Variants in XKR9 observed in about 807,000 individuals in gnomAD.
The protein encoded by XKR9 is XK related 9, also known as XK-related protein 9.
Under a neutral mutation model 32.0 loss-of-function variants are expected in XKR9, and 32 were observed. The observed-to-expected ratio is 1.00, with a 90% CI of 0.76 to 1.34. The LOEUF is 1.34. XKR9 is among the 40% of genes most tolerant of loss of function. The pLI is 0.00. For synonymous variants in XKR9, 168 were observed against 143.4 expected (o/e 1.17, Z -1.22); for missense variants, 546 against 429.7 (o/e 1.27, Z -2.39).
At chr8:70,989,200 C>A in the XKR9 span, among the ~76,000 whole-genome samples, 2 of 152,150 alleles carry the variant, frequency 1.3e-5, no homozygotes, top group South Asian at 4.1e-4. Context: ...AACCAGCATT[C>A]TGTTAATAGC....
At chr8:71,021,109 G>C in the XKR9 span, among the ~76,000 whole-genome samples, 1 of 152,132 alleles carries the variant, frequency 6.6e-6, no homozygotes, top group African/African-American at 2.4e-5. Flanking sequence ...CAACAGAGGA[G>C]GCAGTGACAG....
At chr8:70,903,595 G>T in the XKR9 span, among the ~76,000 whole-genome samples, 1 of 152,154 alleles carries the variant, frequency 6.6e-6, no homozygotes, top group East Asian at 1.9e-4. Context: ...CCAGCTCCTG[G>T]ATTCATTGAT....
chr8:71,014,920 C>A, the XKR9 span, among the ~76,000 whole-genome samples: 12 of 152,200 alleles, frequency 7.9e-5, no homozygotes, highest in African/African-American at 2.9e-4. Context: ...TGCCAGTTGC[C>A]GATAGGTCTC....
the XKR9 span, among the ~76,000 whole-genome samples, chr8:71,035,974 C>T: frequency 1.3e-5 from 2 of 152,190 alleles, no homozygotes; most frequent in Admixed American, 1.3e-4. Context: ...TAAGCCCTCC[C>T]TCCCGGGGTA....
At chr8:71,023,054 T>G in the XKR9 span, among the ~76,000 whole-genome samples, 1 of 152,194 alleles carries the variant, frequency 6.6e-6, no homozygotes, top group African/African-American at 2.4e-5. Context: ...CTCATTGTGC[T>G]TTCTTAATAT....
chr8:70,825,018 T>C, the XKR9 span, among the ~76,000 whole-genome samples: 3 of 152,082 alleles, frequency 2.0e-5, no homozygotes, highest in African/African-American at 2.4e-5. Context: ...GTAGTTTCAA[T>C]GGCAAGACTA....
chr8:70,849,616 A>G, the XKR9 span, among the ~76,000 whole-genome samples: 2 of 152,338 alleles, frequency 1.3e-5, no homozygotes, highest in South Asian at 4.1e-4. Flanking sequence ...AAGTAAGAGC[A>G]GAGCAGAACT....
the XKR9 span, among the ~76,000 whole-genome samples, chr8:70,985,606 A>G: frequency 1.3e-5 from 2 of 152,242 alleles, no homozygotes. Flanking sequence ...TCTATTTTCA[A>G]GAAGTGATCA....
At chr8:70,959,795 A>G in the XKR9 span, among the ~76,000 whole-genome samples, 3 of 152,182 alleles carry the variant, frequency 2.0e-5, no homozygotes, top group South Asian at 6.2e-4. Flanking sequence ...CTTTTTTTCC[A>G]CTGCAAACTG....
At chr8:70,852,697 AG>A in the XKR9 span, among the ~76,000 whole-genome samples, 1 of 152,196 alleles carries the variant, frequency 6.6e-6, no homozygotes, top group Admixed American at 6.5e-5. Context: ...TGTTTTTTTC[AG>A]GGACGTGGAT....
the XKR9 span, among the ~76,000 whole-genome samples, chr8:70,937,038 T>C: frequency 6.6e-6 from 1 of 151,760 alleles, no homozygotes; most frequent in Non-Finnish European, 1.5e-5. Context: ...ATATGAGAGG[T>C]TCCGGAATGG....
At chr8:70,913,375 A>G in the XKR9 span, among the ~76,000 whole-genome samples, 1 of 152,144 alleles carries the variant, frequency 6.6e-6, no homozygotes, top group Non-Finnish European at 1.5e-5. Flanking sequence ...GGAAACTGCA[A>G]TTGAGAATTA....
At chr8:71,050,914 G>C in the XKR9 span, among the ~76,000 whole-genome samples, 1 of 152,088 alleles carries the variant, frequency 6.6e-6, no homozygotes, top group Non-Finnish European at 1.5e-5. Context: ...TAAAAGTAGA[G>C]ATTTCTTATT....
chr8:70,899,032 G>C, the XKR9 span, among the ~76,000 whole-genome samples: 1 of 152,134 alleles, frequency 6.6e-6, no homozygotes, highest in East Asian at 1.9e-4. Flanking sequence ...TTCTGCCTTA[G>C]CTTCCCAAAT....
At chr8:70,800,636 TCAC>T in the XKR9 span, among the ~76,000 whole-genome samples, 1 of 151,982 alleles carries the variant, frequency 6.6e-6, no homozygotes, top group Non-Finnish European at 1.5e-5. Context: ...CAGCCAACTG[TCAC>T]CACGCCCAGC....
At chr8:70,993,968 A>C in the XKR9 span, among the ~76,000 whole-genome samples, 4 of 152,170 alleles carry the variant, frequency 2.6e-5, no homozygotes, top group African/African-American at 4.8e-5. Context: ...GCTGTATCAA[A>C]ATATGCCAAA....
chr8:70,941,570 G>A, the XKR9 span, among the ~76,000 whole-genome samples: 9 of 152,114 alleles, frequency 5.9e-5, no homozygotes, highest in Non-Finnish European at 1.0e-4. Context: ...TCTGGATTGG[G>A]AGGTGTGGCT....
intron 4 of XKR9, among the ~76,000 whole-genome samples, chr8:70,720,182 G>C (rs1334718385): frequency 6.6e-6 from 1 of 152,116 alleles, no homozygotes; most frequent in African/African-American, 2.4e-5. Flanking sequence ...TTGCTTATCA[G>C]CTTAACGAGT....
the XKR9 span, among the ~76,000 whole-genome samples, chr8:70,920,661 C>T: frequency 1.3e-5 from 2 of 151,940 alleles, no homozygotes; most frequent in African/African-American, 4.8e-5. Flanking sequence ...ATGTTCCATG[C>T]TTGTAAAAAC....
Sources: allele counts gnomAD v4.1 joint callset (sites outside exome capture counted in the v4.1 genomes callset), GRCh38; gene constraint gnomAD v4.1.1; transcripts MANE v1.5; gene names NCBI Gene and HGNC (gene_info 2026-07-23, HGNC 2026-07-21).